PTH1R: variants seen among roughly 807,000 people sequenced by gnomAD.
PTH1R encodes parathyroid hormone 1 receptor, also known as parathyroid hormone/parathyroid hormone-related peptide receptor.
A neutral mutation model predicts 70.7 loss-of-function variants in PTH1R; 32 were observed. The observed-to-expected ratio is 0.45, with a 90% CI of 0.34 to 0.61. PTH1R has a LOEUF of 0.61. Ranked by LOEUF, PTH1R falls within the 20% of genes least tolerant of loss-of-function variation. The pLI, the probability that PTH1R is intolerant of heterozygous loss-of-function variation, is 0.01. For synonymous variants in PTH1R, 329 were observed against 324.8 expected (o/e 1.01, Z -0.14); for missense variants, 626 against 792.5 (o/e 0.79, Z 2.52).
rs199783503 is a variant in PTH1R, at chr3:46,898,371, C to G, written c.544-7C>G. 6 of 1,613,590 alleles carry G rather than the reference C, an allele frequency of 3.7e-6. No individual in the cohort carries two copies. The highest frequency in any genetic ancestry group is 1.1e-5 in the South Asian group (1 of 91,066). On this transcript the variant is annotated splice_polypyrimidine_tract_variant and splice_region_variant and intron_variant, in intron 7 of 15. Coordinates refer to ENST00000449590, the MANE Select transcript of PTH1R (RefSeq NM_000316.3). Reference sequence around the variant, plus strand: ...GCTCTGACTGTGTCTCCCCCCGCCCCGCACAGGAGGTGTTTGACCGCCTGG... The same window carrying G: ...GCTCTGACTGTGTCTCCCCCCGCCCGGCACAGGAGGTGTTTGACCGCCTGG...
Position 46,898,826 on chromosome 3 carries a change from C to T in PTH1R, c.803C>T (p.Pro268Leu), listed in dbSNP as rs1377084034. The T allele has an allele frequency of 6.4e-7, 1 of 1,564,550 alleles. No homozygotes were observed. Among genetic ancestry groups the T allele is most frequent in the African/African-American group, 1.4e-5 (1 of 73,828 alleles). ...EEELRAIAQA[P>L]PPPATAAAGY... ...GAGCTGCGCGCCATCGCCCAGGCGC[C>T]CCCGCCGCCTGCCACCGCCGCTGCC... Residue 268 changes from proline (P) to leucine (L), a missense_variant, in exon 9 of 16, where the codon CCC (proline) becomes CTC (leucine). Physicochemically the swap from Pro to Leu is moderately conservative, Grantham distance 98. Around this residue, in one of 3 missense-constraint regions of PTH1R, gnomAD observed 495 missense variants for 638.7 expected, o/e 0.77. Transcript: ENST00000449590.
chr3:46,899,612 A>G (rs1166826677), intron 10 of PTH1R, among the ~76,000 whole-genome samples, 156 bp downstream of exon 10: 3 of 152,178 alleles, frequency 2.0e-5, no homozygotes, highest in Non-Finnish European at 4.4e-5. Flanking sequence ...TCCTGACCCT[A>G]TTCCAGGCTC....
At position 46,898,067 on chromosome 3, in the gene PTH1R, C is replaced by T. The variant is rs367616586; in HGVS notation, c.425-7C>T. 1 of 1,614,042 alleles carries T rather than the reference C, an allele frequency of 6.2e-7. No homozygotes were observed. The highest frequency in any genetic ancestry group is 8.5e-7 in the Non-Finnish European group (1 of 1,179,986). On this transcript the variant is annotated splice_region_variant and splice_polypyrimidine_tract_variant and intron_variant, in intron 6 of 15. Transcript: ENST00000449590. ...CCTGCCGGCCCTGACCTCCCATGGA[C>T]CTGCAGGCCATGCCTACCGACGCTG...
rs1304167143 is a variant in PTH1R at position 46,902,304 on chromosome 3, T to A, written c.1212-222T>A. 6.6e-6 allele frequency among the ~76,000 whole-genome samples: 1 copy of A among 152,108 alleles called. No individual in the cohort carries two copies. Among genetic ancestry groups the A allele is most frequent in the Non-Finnish European group, 1.5e-5 (1 of 68,006 alleles). On this transcript the variant is annotated intron_variant, in intron 13 of 15. Coordinates refer to ENST00000449590, the MANE Select transcript of PTH1R (RefSeq NM_000316.3). The surrounding 1 kb of genome is among the most constrained non-coding windows in gnomAD (Gnocchi z 5.4). ...GAAGGGCCCAGGGACAGGGGGACTG[T>A]CATTTGAAGTCCGCTCCGGGACACC...
In PTH1R at chr3:46,883,989, C is replaced by G. The variant is rs974779728; in HGVS notation, c.75+355C>G. 6.6e-6 allele frequency among the ~76,000 whole-genome samples: 1 copy of G among 152,236 alleles called. No individual in the cohort carries two copies. The highest frequency in any genetic ancestry group is 2.4e-5 in the African/African-American group (1 of 41,460). ...TGGCCCTGCTGCGTACTCCCACAGA[C>G]TTTGCTTTGGGGACCTCTGTTTTCT... On this transcript the variant is annotated intron_variant, in intron 3 of 15. Coordinates refer to ENST00000449590, the MANE Select transcript of PTH1R (RefSeq NM_000316.3). The surrounding 1 kb of genome is among the most constrained non-coding windows in gnomAD (Gnocchi z 6.4).
Position 46,903,223 on chromosome 3 carries a change from CTG to C in PTH1R, c.1396-46_1396-45del. The stretch of plus-strand genomic sequence containing the variant: ...GTCCAGGGGCCGGGATGGGGCATCG[CTG>C]GGGTTGGGAGACACACCTGACTGCC... On this transcript the variant is annotated intron_variant, in intron 15 of 15. Transcript: ENST00000449590. This position sits in a 1 kb window ranked among gnomAD's most constrained non-coding sequence, Gnocchi z 4.4. 1 of 1,608,988 alleles carries C rather than the reference CTG, an allele frequency of 6.2e-7. No homozygotes were observed. Among genetic ancestry groups the C allele is most frequent in the Non-Finnish European group, 8.5e-7 (1 of 1,178,930 alleles).
intron 8 of PTH1R, 44 bp downstream of exon 8, chr3:46,898,516 G>T: frequency 1.9e-6 from 3 of 1,608,180 alleles, no homozygotes; most frequent in Non-Finnish European, 1.7e-6. Context: ...GGTGGAGGGG[G>T]GGCGGTGGCC....
In PTH1R at chr3:46,901,651, C is replaced by G. The variant is rs1474547780; in HGVS notation, c.1117-115C>G. 5 of 1,394,548 alleles carry G rather than the reference C, an allele frequency of 3.6e-6. No individual in the cohort carries two copies. In the East Asian group the frequency reaches 7.1e-5, roughly 20 times the overall value. The allele number at this position is 1,394,548 out of a possible 1,614,324, so 86.4% of individuals were successfully genotyped here. A position where few individuals can be genotyped will look rare whatever the true frequency, so the allele number is the denominator to read the frequency against. On this transcript the variant is annotated intron_variant, in intron 12 of 15. Transcript: ENST00000449590. This position sits in a 1 kb window ranked among gnomAD's most constrained non-coding sequence, Gnocchi z 7.3. Reference sequence around the variant, plus strand: ...CCAGCCCAGAAAGGAAAACCAAGGGCTCAAGGAGCCACCCAGAGATGCAGT... The same window carrying G: ...CCAGCCCAGAAAGGAAAACCAAGGGGTCAAGGAGCCACCCAGAGATGCAGT...
chr3:46,892,882 G>A lies in PTH1R; in HGVS notation c.76-1025G>A, dbSNP rs888848946. 2.9e-5 allele frequency: 25 copies of A among 868,238 alleles called. No homozygotes were observed. The highest frequency in any genetic ancestry group is 3.5e-5 in the Non-Finnish European group (25 of 722,492). 53.8% of individuals were successfully genotyped at this position (868,238 alleles called of 1,614,324 possible). Reference sequence around the variant, plus strand: ...CAGGGGTCTGAGGAAACACGACCCTGAATTAAGAGGGATGGGGCTGAGGGC... The same window carrying A: ...CAGGGGTCTGAGGAAACACGACCCTAAATTAAGAGGGATGGGGCTGAGGGC... On this transcript the variant is annotated intron_variant, in intron 3 of 15. Transcript: ENST00000449590. This position sits in a 1 kb window ranked among gnomAD's most constrained non-coding sequence, Gnocchi z 5.2.
chr3:46,902,420 G>C lies in PTH1R; in HGVS notation c.1212-106G>C, dbSNP rs2032178787. 1 of 1,469,910 alleles carries C rather than the reference G, an allele frequency of 6.8e-7. No individual in the cohort carries two copies. Among genetic ancestry groups the C allele is most frequent in the East Asian group, 2.4e-5 (1 of 40,868 alleles). 91.1% of individuals were successfully genotyped at this position (1,469,910 alleles called of 1,614,324 possible). A position where few individuals can be genotyped will look rare whatever the true frequency, so the allele number is the denominator to read the frequency against. On this transcript the variant is annotated intron_variant, in intron 13 of 15. Transcript: ENST00000449590. This position sits in a 1 kb window ranked among gnomAD's most constrained non-coding sequence, Gnocchi z 5.4. ...TCCTCCCATGGTGACTGGAGCCCTG[G>C]GCCCCTTTGAGCTTCCGGAGCCTGG...
chr3:46,887,575 T>G (rs1489876725), intron 3 of PTH1R, among the ~76,000 whole-genome samples: 2 of 152,114 alleles, frequency 1.3e-5, no homozygotes, highest in Non-Finnish European at 2.9e-5. Flanking sequence ...GCAGTTTGGG[T>G]AGAGGGGCGT....
chr3:46,898,449 T>C lies in PTH1R; in HGVS notation c.615T>C (p.Ala205=), dbSNP rs200829369. 5.6e-6 allele frequency: 9 copies of C among 1,613,856 alleles called. No homozygotes were observed. The highest frequency in any genetic ancestry group is 1.7e-5 in the Admixed American group (1 of 59,996). ...YSVSLASLTV[A]VLILAYFRRL... is the part of the protein sequence containing the mutation. ...TGTCCCTGGCGTCCCTCACCGTAGC[T>C]GTGCTCATCCTGGCCTACTTTAGGT... The change falls in exon 8 of 16, where the codon GCT becomes GCC. Residue 205 remains alanine (A), a synonymous_variant. Transcript: ENST00000449590.
rs41290650 is a variant in PTH1R at position 46,899,260 on chromosome 3, G to A, written c.835-43G>A. 13,970 of 1,612,914 alleles carry A rather than the reference G, an allele frequency of 8.7e-3. 87 individuals carry two copies. The highest frequency in any genetic ancestry group is 0.011 in the Non-Finnish European group (12,436 of 1,179,842). Reference sequence around the variant, plus strand: ...CCCCCAGCCCAGCCCTGACTTCCCGGAGGCAGGCCCTGCCCTCTGACTAAC... The same window carrying A: ...CCCCCAGCCCAGCCCTGACTTCCCGAAGGCAGGCCCTGCCCTCTGACTAAC... On this transcript the variant is annotated intron_variant, in intron 9 of 15. Transcript: ENST00000449590.
At chr3:46,887,859 A>G (rs927829528) in intron 3 of PTH1R, among the ~76,000 whole-genome samples, 1 of 152,208 alleles carries the variant, frequency 6.6e-6, no homozygotes, top group Non-Finnish European at 1.5e-5. Context: ...TCATTTCTGC[A>G]TAATTTGTGT....
At position 46,902,095 on chromosome 3, in the gene PTH1R, CTG is replaced by C. The variant is rs2032161290; in HGVS notation, c.1211+238_1211+239del. ...CCAGGCCCTGCACTAGAGCTGGAGT[CTG>C]TGAGTGTGCAACGAACTTGAACCTC... On this transcript the variant is annotated intron_variant, in intron 13 of 15. Transcript: ENST00000449590. The surrounding 1 kb of genome is among the most constrained non-coding windows in gnomAD (Gnocchi z 5.4). Among the ~76,000 whole-genome samples the C allele has an allele frequency of 6.6e-6, 1 of 152,224 alleles. No homozygotes were observed. The highest frequency in any genetic ancestry group is 6.5e-5 in the Admixed American group (1 of 15,288).
chr3:46,888,459 G>A (rs1399113382), intron 3 of PTH1R, among the ~76,000 whole-genome samples: 1 of 152,164 alleles, frequency 6.6e-6, no homozygotes, highest in African/African-American at 2.4e-5. Flanking sequence ...GGCCTTCTGG[G>A]GACACTCCCT....
intron 4 of PTH1R, among the ~76,000 whole-genome samples, chr3:46,894,761 C>T (rs4682847): frequency 0.12 from 18,632 of 151,982 alleles, 3,896 homozygotes; most frequent in African/African-American, 0.42. Context: ...ATCATTGCCA[C>T]AGACCCGACA....
chr3:46,902,736 C>A lies in PTH1R; in HGVS notation c.1354-13C>A. 6.2e-7 allele frequency: 1 copy of A among 1,613,994 alleles called. No individual in the cohort carries two copies. The highest frequency in any genetic ancestry group is 1.1e-5 in the South Asian group (1 of 91,078). On this transcript the variant is annotated splice_polypyrimidine_tract_variant and intron_variant, in intron 14 of 15. Coordinates refer to ENST00000449590, the MANE Select transcript of PTH1R (RefSeq NM_000316.3). This position sits in a 1 kb window ranked among gnomAD's most constrained non-coding sequence, Gnocchi z 5.4. ...CCGGGGGCAGGCCTGATTCGAGACA[C>A]CCCTCTTCACAGGGATTTTTTGTCG... is the stretch of plus-strand genomic sequence containing the variant.
At chr3:46,880,803 G>C (rs1479551423) in intron 1 of PTH1R, among the ~76,000 whole-genome samples, 5 of 152,182 alleles carry the variant, frequency 3.3e-5, no homozygotes, top group Non-Finnish European at 7.3e-5. Flanking sequence ...AATGCACCTG[G>C]GAGTGCAGTC....
Sources: gnomAD v4.1 joint callset for allele counts (sites outside exome capture counted in the v4.1 genomes callset) on GRCh38, gnomAD v4.1.1 for gene constraint, gnomAD v4.1.1 regional missense constraint, Gnocchi (gnomAD v3.1) non-coding constraint, MANE v1.5 for transcripts, NCBI Gene and HGNC (gene_info 2026-07-23, HGNC 2026-07-21) for gene names.